CTSK: variants seen among roughly 807,000 people sequenced by gnomAD.
The protein encoded by CTSK is cathepsin K.
A neutral mutation model predicts 40.5 loss-of-function variants in CTSK; 26 were observed. That is an observed-to-expected ratio of 0.64 (90% CI 0.47 to 0.89). CTSK has a LOEUF of 0.89. Ranked by LOEUF, CTSK falls within the 40% of genes least tolerant of loss-of-function variation. The probability of loss-of-function intolerance (pLI) is 0.00; values close to 1 mark genes in which losing one functional copy is unlikely to be tolerated. For synonymous variants in CTSK, 132 were observed against 143.2 expected (o/e 0.92, Z 0.56); for missense variants, 292 against 400.1 (o/e 0.73, Z 2.30).
At chr1:150,807,585 A>G (rs1363599098) in intron 1 of CTSK, among the ~76,000 whole-genome samples, 1 of 152,234 alleles carries the variant, frequency 6.6e-6, no homozygotes, top group African/African-American at 2.4e-5. Context: ...TGTTAGAAGA[A>G]TGTTCAGACT....
chr1:150,804,218 CCCAACAGGAA>C lies in CTSK; in HGVS notation c.411_420del (p.Ser138LeufsTer20), dbSNP rs1364951724. On this transcript the variant is annotated frameshift_variant, in exon 5 of 8. Coordinates refer to ENST00000271651, the MANE Select transcript of CTSK (RefSeq NM_000396.4). LOFTEE classifies it high-confidence loss of function. ...TCCAGGGCACCCACAGAGCTAAAAG[CCCAACAGGAA>C]CCACACTGACCCTGAAAGGCATACA... 2 of 1,614,136 alleles carry C rather than the reference CCCAACAGGAA, an allele frequency of 1.2e-6. No individual in the cohort carries two copies. The highest frequency in any genetic ancestry group is 2.2e-5 in the South Asian group (2 of 91,086).
At position 150,799,680 on chromosome 1, in the gene CTSK, G is replaced by C. The variant is rs147638275; in HGVS notation, c.648C>G (p.Gly216=). 8 of 1,614,016 alleles carry C rather than the reference G, an allele frequency of 5.0e-6. No homozygotes were observed. In the African/African-American group the frequency reaches 6.7e-5, roughly 13 times the overall value. Residue 216 remains glycine (G), a synonymous_variant, in exon 6 of 8, where the codon GGC becomes GGG. Transcript: ENST00000271651. ...TGTACCCTCTGCATTTAGCTGCCTT[G>C]CCTGTTGGGTTGTACATACAACTCT... The part of the protein sequence containing the change: ...QEESCMYNPT[G]KAAKCRGYRE...
At chr1:150,799,456 TAA>T in intron 6 of CTSK, 86 bp downstream of exon 6, 1 of 1,512,136 alleles carries the variant, frequency 6.6e-7, no homozygotes, top group South Asian at 1.1e-5. Context: ...ATACAAAAAC[TAA>T]GTACTGAAAA....
At chr1:150,807,025 C>T (rs1048095760) in intron 1 of CTSK, among the ~76,000 whole-genome samples, 3 of 150,890 alleles carry the variant, frequency 2.0e-5, no homozygotes, top group Non-Finnish European at 4.4e-5. Context: ...CTCTCTCTCT[C>T]GGGAGATTTA....
Position 150,806,666 on chromosome 1 carries a change from C to T in CTSK, c.120+20G>A, listed in dbSNP as rs1211415234. The T allele has an allele frequency of 6.2e-7, 1 of 1,613,522 alleles. No individual in the cohort carries two copies. The highest frequency in any genetic ancestry group is 1.1e-5 in the South Asian group (1 of 91,032). On this transcript the variant is annotated intron_variant, in intron 2 of 7. Coordinates refer to ENST00000271651, the MANE Select transcript of CTSK (RefSeq NM_000396.4). ...CAGGTCTCAGCCTTCCTGCCATGCC[C>T]CCTCCAGGACCCCAGGCACCTTGTT...
Position 150,796,763 on chromosome 1 carries a change from G to A in CTSK, c.*36C>T. ...ATCGTTACACTGCACCATCGTGGAAGAAATGGAAGAGCAGGATGGATTTGG... is the reference window on the plus strand; with the variant it reads ...ATCGTTACACTGCACCATCGTGGAAAAAATGGAAGAGCAGGATGGATTTGG... On this transcript the variant is annotated 3_prime_UTR_variant, in exon 8 of 8. Transcript: ENST00000271651. 2.1e-6 allele frequency: 3 copies of A among 1,427,566 alleles called. No homozygotes were observed. The highest frequency in any genetic ancestry group is 3.0e-6 in the Non-Finnish European group (3 of 1,009,634). The allele number at this position is 1,427,566 out of a possible 1,614,324, so 88.4% of individuals were successfully genotyped here.
intron 4 of CTSK, among the ~76,000 whole-genome samples, chr1:150,805,166 A>T (rs1235949292): frequency 7.2e-6 from 1 of 138,796 alleles, no homozygotes; most frequent in African/African-American, 2.7e-5. Flanking sequence ...GTGAGCCATG[A>T]TTGCGCCACT....
chr1:150,800,069 C>T (rs1479011181), intron 5 of CTSK, among the ~76,000 whole-genome samples: 13 of 151,812 alleles, frequency 8.6e-5, no homozygotes, highest in African/African-American at 2.2e-4. Flanking sequence ...TGGTAGCGGG[C>T]GCCTGTAGTC....
chr1:150,800,444 T>C (rs587748220), intron 5 of CTSK: 18 of 152,948 alleles, frequency 1.2e-4, no homozygotes, highest in Admixed American at 1.1e-3. Context: ...ATCCTTGTGC[T>C]CTCATCAAAG....
chr1:150,806,352 A>G, intron 2 of CTSK, 128 bp from the exon 3 acceptor site: 1 of 1,103,668 alleles, frequency 9.1e-7, no homozygotes. Context: ...GGAACTAACC[A>G]TGGAATTAAG....
chr1:150,796,561 TAA>T lies in CTSK; in HGVS notation c.*236_*237del. The T allele has an allele frequency of 1.6e-6, 1 of 610,940 alleles. No individual in the cohort carries two copies. Among genetic ancestry groups the T allele is most frequent in the Non-Finnish European group, 2.9e-6 (1 of 340,150 alleles). 37.8% of individuals were successfully genotyped at this position (610,940 alleles called of 1,614,324 possible). A position where few individuals can be genotyped will look rare whatever the true frequency, so the allele number is the denominator to read the frequency against. ...CAGGCTGTAGTCACATCTCTTAGCC[TAA>T]GAGTACACAGCTGTCAGGGAAAGTC... On this transcript the variant is annotated 3_prime_UTR_variant, in exon 8 of 8. Coordinates refer to ENST00000271651, the MANE Select transcript of CTSK (RefSeq NM_000396.4).
chr1:150,802,188 G>T (rs1571125181), intron 5 of CTSK, among the ~76,000 whole-genome samples: 1 of 149,954 alleles, frequency 6.7e-6, no homozygotes, highest in Non-Finnish European at 1.5e-5. Context: ...TGAGGCAGGA[G>T]AATTGCTTGA....
intron 7 of CTSK, among the ~76,000 whole-genome samples, chr1:150,798,468 G>C (rs370885615): frequency 2.0e-5 from 3 of 152,276 alleles, no homozygotes; most frequent in African/African-American, 4.8e-5. Context: ...TGGTTAGTTA[G>C]GTCTGTCTTA....
intron 7 of CTSK, 121 bp from the exon 8 acceptor site, chr1:150,797,019 T>A: frequency 1.3e-6 from 1 of 754,670 alleles, no homozygotes; most frequent in Non-Finnish European, 2.3e-6. Flanking sequence ...TTTTTAACTT[T>A]AAAGAGTTTA....
chr1:150,806,351 C>G, intron 2 of CTSK, 127 bp from the exon 3 acceptor site: 2 of 1,115,294 alleles, frequency 1.8e-6, no homozygotes, highest in African/African-American at 1.6e-5. Context: ...GGGAACTAAC[C>G]ATGGAATTAA....
chr1:150,800,049 T>C (rs1239404669), intron 5 of CTSK, among the ~76,000 whole-genome samples: 1 of 151,790 alleles, frequency 6.6e-6, no homozygotes, highest in African/African-American at 2.4e-5. Context: ...GCAAAAAAAT[T>C]AGCCAGGCGT....
chr1:150,797,905 T>C (rs918443782), intron 7 of CTSK, among the ~76,000 whole-genome samples: 6 of 152,178 alleles, frequency 3.9e-5, no homozygotes, highest in Non-Finnish European at 8.8e-5. Context: ...CTTGGGAAGA[T>C]GCTCAGGTTC....
At position 150,804,203 on chromosome 1, in the gene CTSK, C is replaced by G. The variant is rs74315302; in HGVS notation, c.436G>C (p.Gly146Arg). ...CGSCWAFSSVGALEGQLKKKT... is the reference protein window; with the variant it reads ...CGSCWAFSSVRALEGQLKKKT... ...TTCTTGAGTTGGCCCTCCAGGGCACCCACAGAGCTAAAAGCCCAACAGGAA... is the reference window on the plus strand; with the variant it reads ...TTCTTGAGTTGGCCCTCCAGGGCACGCACAGAGCTAAAAGCCCAACAGGAA... Residue 146 changes from glycine to arginine, a missense_variant, in exon 5 of 8, where the codon GGT becomes CGT. Physicochemically the swap from Gly to Arg is moderately radical, Grantham distance 125 (BLOSUM62 -2). Transcript: ENST00000271651. The G allele has an allele frequency of 1.3e-5, 21 of 1,614,016 alleles. No homozygotes were observed. The highest frequency in any genetic ancestry group is 1.2e-4 in the Admixed American group (7 of 59,988).
Position 150,807,235 on chromosome 1 carries a change from G to A in CTSK, c.-1-429C>T, listed in dbSNP as rs1394337252. 13 of 473,502 alleles carry A rather than the reference G, an allele frequency of 2.7e-5. No homozygotes were observed. The Admixed American group carries it at 2.8e-4, about 10-fold the overall frequency. The allele number at this position is 473,502 out of a possible 1,614,324, so 29.3% of individuals were successfully genotyped here. The stretch of plus-strand genomic sequence containing the variant: ...GACAGACAAATAGCAAGGTGGTAGT[G>A]GGGTTCAGAATACACAAAGGAGAGA... On this transcript the variant is annotated intron_variant, in intron 1 of 7. Transcript: ENST00000271651.
Sources: allele counts gnomAD v4.1 joint callset (sites outside exome capture counted in the v4.1 genomes callset), GRCh38; gene constraint gnomAD v4.1.1; transcripts MANE v1.5; gene names NCBI Gene and HGNC (gene_info 2026-07-23, HGNC 2026-07-21).